Variants in DIAPH2 observed in about 807,000 individuals in gnomAD.
DIAPH2 encodes the protein diaphanous related formin 2.
In DIAPH2, 35 loss-of-function variants were observed where a neutral mutation model predicts 92.7. The observed-to-expected ratio is 0.38, with a 90% CI of 0.29 to 0.50. The LOEUF is 0.50. Among genes scored for constraint, DIAPH2 ranks in the 20% least tolerant of loss-of-function variants. The pLI is 0.94. For missense variants in DIAPH2, 701 were observed against 819.5 expected (o/e 0.86, Z 1.77); for synonymous variants, 301 against 280.4 (o/e 1.07, Z -0.73).
chrX:97,334,775 G>A (rs1197941413), intron 23 of DIAPH2, among the ~76,000 whole-genome samples: 1 of 108,032 alleles, frequency 9.3e-6, no homozygotes, highest in African/African-American at 3.4e-5. Context: ...AAGGTCAGGA[G>A]TTTGAGACCA....
At chrX:96,996,572 A>G (rs2066106373) in intron 17 of DIAPH2, among the ~76,000 whole-genome samples, 1 of 111,891 alleles carries the variant, frequency 8.9e-6, no homozygotes, top group Non-Finnish European at 1.9e-5. Context: ...GAAATTGTCT[A>G]ATGATAAGGC....
intron 25 of DIAPH2, among the ~76,000 whole-genome samples, chrX:97,385,301 C>T (rs999917374): frequency 9.0e-6 from 1 of 110,661 alleles, no homozygotes; most frequent in Non-Finnish European, 1.9e-5. Flanking sequence ...GGCTTGATCT[C>T]GGCTCACTGC....
chrX:96,832,941 G>A (rs185768162), intron 4 of DIAPH2, among the ~76,000 whole-genome samples: 144 of 111,638 alleles, frequency 1.3e-3, no homozygotes, highest in Admixed American at 4.5e-3. Context: ...TATGATTTGC[G>A]AACAATGGAA....
chrX:97,361,966 C>T (rs189113463), intron 24 of DIAPH2, among the ~76,000 whole-genome samples: 2,275 of 111,851 alleles, frequency 0.02, 69 homozygotes, highest in African/African-American at 0.07. Flanking sequence ...ATTGGCAGCG[C>T]GCGGTGGCTC....
intron 3 of DIAPH2, among the ~76,000 whole-genome samples, chrX:96,746,708 C>G (rs895557051): frequency 3.9e-5 from 4 of 103,759 alleles, no homozygotes; most frequent in Non-Finnish European, 5.9e-5. Flanking sequence ...CACGTGCCAC[C>G]ATGCCTGCCT....
At chrX:97,391,512 A>G (rs2069659128) in intron 25 of DIAPH2, among the ~76,000 whole-genome samples, 1 of 111,809 alleles carries the variant, frequency 8.9e-6, no homozygotes. Flanking sequence ...AAAGATACAT[A>G]CCATTGGAAC....
chrX:97,496,600 C>G (rs1360149019), intron 26 of DIAPH2, among the ~76,000 whole-genome samples: 1 of 110,674 alleles, frequency 9.0e-6, no homozygotes, highest in Non-Finnish European at 1.9e-5. Context: ...TTCTAATACT[C>G]TCACACAGAT....
intron 26 of DIAPH2, among the ~76,000 whole-genome samples, chrX:97,588,148 A>G (rs1326959640): frequency 8.9e-6 from 1 of 112,379 alleles, no homozygotes; most frequent in Non-Finnish European, 1.9e-5. Context: ...CTTCAGTGTA[A>G]GTACCATTAT....
chrX:97,457,146 G>A (rs768936014), intron 26 of DIAPH2, among the ~76,000 whole-genome samples: 4 of 111,111 alleles, frequency 3.6e-5, no homozygotes, highest in Non-Finnish European at 5.7e-5. Context: ...AAAGCCTCCC[G>A]AGTAGCTGGG....
chrX:97,258,670 C>A (rs1476204493), intron 23 of DIAPH2, among the ~76,000 whole-genome samples: 1 of 107,784 alleles, frequency 9.3e-6, no homozygotes, highest in Non-Finnish European at 1.9e-5. Context: ...GAGATCTAGA[C>A]CATCCTGGCT....
At chrX:97,429,594 C>T (rs2070105767) in intron 25 of DIAPH2, 56 bp from the exon 26 acceptor site, 1 of 1,168,860 alleles carries the variant, frequency 8.6e-7, no homozygotes, top group African/African-American at 1.8e-5. Flanking sequence ...CCTTTATTTT[C>T]CTGTAGTTTA....
intron 26 of DIAPH2, among the ~76,000 whole-genome samples, chrX:97,512,488 G>GT (rs1444932170): frequency 1.3e-4 from 14 of 111,863 alleles, no homozygotes; most frequent in East Asian, 2.8e-4. Context: ...TTTTTGAAGG[G>GT]TTTTTGTGTC....
chrX:96,915,611 T>C (rs2065498306), intron 7 of DIAPH2, among the ~76,000 whole-genome samples: 1 of 111,293 alleles, frequency 9.0e-6, no homozygotes, highest in East Asian at 2.8e-4. Flanking sequence ...CGATGAAATA[T>C]CCAATTTCAC....
At chrX:97,118,993 C>T (rs62597758) in intron 21 of DIAPH2, among the ~76,000 whole-genome samples, 17 of 111,752 alleles carry the variant, frequency 1.5e-4, no homozygotes, top group Non-Finnish European at 3.0e-4. Context: ...TTGGGCTTCA[C>T]CTTTCTCTGG....
Position 97,540,804 on chromosome X carries a change from A to G in DIAPH2, c.3242-58449A>G, listed in dbSNP as rs778463943. ...AAAGATAGACTAGAAGCAAAACAGT[A>G]ATGTGGCAGCTTTGTTGGAAATATT... On this transcript the variant is annotated intron_variant, in intron 26 of 26. Transcript: ENST00000324765. Among the ~76,000 whole-genome samples the G allele has an allele frequency of 2.1e-4, 24 of 112,243 alleles. No homozygotes were observed. The Admixed American group carries it at 2.2e-3, about 10-fold the overall frequency.
chrX:97,419,039 C>A (rs1313952684), intron 25 of DIAPH2, among the ~76,000 whole-genome samples: 1 of 110,210 alleles, frequency 9.1e-6, no homozygotes, highest in Non-Finnish European at 1.9e-5. Flanking sequence ...TGCCAAGGTC[C>A]TTCAGCACCT....
chrX:97,179,868 G>A (rs746588301), intron 22 of DIAPH2, among the ~76,000 whole-genome samples: 1 of 111,909 alleles, frequency 8.9e-6, no homozygotes, highest in Admixed American at 9.5e-5. Context: ...AGCAGCAAGA[G>A]AAAATGAGAA....
intron 4 of DIAPH2, among the ~76,000 whole-genome samples, chrX:96,823,809 A>C (rs1423366966): frequency 9.0e-6 from 1 of 110,530 alleles, no homozygotes; most frequent in East Asian, 2.8e-4. Flanking sequence ...AAAGATGGAA[A>C]TATATTTTCT....
At chrX:97,018,597 A>G (rs2066275995) in intron 17 of DIAPH2, among the ~76,000 whole-genome samples, 1 of 111,933 alleles carries the variant, frequency 8.9e-6, no homozygotes, top group Non-Finnish European at 1.9e-5. Context: ...GCTATATTCT[A>G]TTTGTTATTG....
Sources: allele counts gnomAD v4.1 joint callset (sites outside exome capture counted in the v4.1 genomes callset), GRCh38; gene constraint gnomAD v4.1.1; transcripts MANE v1.5; gene names NCBI Gene and HGNC (gene_info 2026-07-23, HGNC 2026-07-21).